ONECUT1: variants seen among roughly 807,000 people sequenced by gnomAD.
The protein encoded by ONECUT1 is hepatocyte nuclear factor 6.
Under a neutral mutation model 25.6 loss-of-function variants are expected in ONECUT1, and 12 were observed. The observed-to-expected ratio is 0.47, with a 90% CI of 0.30 to 0.76. The LOEUF (loss-of-function observed/expected upper bound fraction) is 0.76. Among genes scored for constraint, ONECUT1 ranks in the 30% least tolerant of loss-of-function variants. ONECUT1 has a pLI of 0.07. For missense variants in ONECUT1, 620 were observed against 651.2 expected, an observed-to-expected ratio of 0.95 and a Z score of 0.52; for synonymous variants, 285 against 270.2, an observed-to-expected ratio of 1.05 and a Z score of -0.54.
chr15:52,776,701 C>A (rs975366395), intron 1 of ONECUT1, among the ~76,000 whole-genome samples: 1 of 152,198 alleles, frequency 6.6e-6, no homozygotes, highest in South Asian at 2.1e-4. Context: ...GAGACTTTGT[C>A]GGTATTTATT....
Position 52,789,636 on chromosome 15 carries a change from C to T in ONECUT1, c.249G>A (p.Leu83=). The change falls in exon 1 of 2, where the codon CTG becomes CTA. Residue 83 remains leucine (L), a synonymous_variant. Coordinates refer to ENST00000305901, the MANE Select transcript of ONECUT1 (RefSeq NM_004498.4). The surrounding 1 kb of genome is among the most constrained non-coding windows in gnomAD (Gnocchi z 4.1). ...RAPEHSLAGP[L]HPTMTMACET... ...CGCAGGCCATGGTCATGGTGGGATG[C>T]AGGGGGCCGGCCAGGCTGTGCTCAG... is the stretch of plus-strand genomic sequence containing the variant. 3 of 1,552,700 alleles carry T rather than the reference C, an allele frequency of 1.9e-6. No individual in the cohort carries two copies. Among genetic ancestry groups the T allele is most frequent in the South Asian group, 1.2e-5 (1 of 81,114 alleles).
At position 52,760,660 on chromosome 15, in the gene ONECUT1, A is replaced by G. The variant is rs112261685; in HGVS notation, c.1106-2813T>C. Among the ~76,000 whole-genome samples the G allele has an allele frequency of 2.6e-3, 391 of 152,236 alleles. 1 individual carries two copies. The highest frequency in any genetic ancestry group is 3.8e-3 in the Admixed American group (58 of 15,292). The stretch of plus-strand genomic sequence containing the variant: ...GCAGCATTGTGAAGGATTGATAAGT[A>G]TTAGTAGATTGGTATTTGTGAGGCA... On this transcript the variant is annotated intron_variant, in intron 1 of 1. Coordinates refer to ENST00000305901, the MANE Select transcript of ONECUT1 (RefSeq NM_004498.4).
rs1323163431 is a variant in ONECUT1, at chr15:52,763,362, C to T, written c.1106-5515G>A. Among the ~76,000 whole-genome samples the T allele has an allele frequency of 2.6e-5, 4 of 151,416 alleles. No individual in the cohort carries two copies. In the South Asian group the frequency reaches 6.3e-4, roughly 24 times the overall value. ...AGTCAGAGCATGACTTTGTGTGCCA[C>T]GGGAATAAAAGATTATGAAGAAAAA... On this transcript the variant is annotated intron_variant, in intron 1 of 1. Coordinates refer to ENST00000305901, the MANE Select transcript of ONECUT1 (RefSeq NM_004498.4).
At chr15:52,758,920 TC>T (rs959983997) in intron 1 of ONECUT1, among the ~76,000 whole-genome samples, 12 of 152,060 alleles carry the variant, frequency 7.9e-5, no homozygotes, top group Middle Eastern at 3.4e-3. Flanking sequence ...CATCAATCAA[TC>T]CTCACAACCA....
chr15:52,776,459 T>C (rs2083801468), intron 1 of ONECUT1, among the ~76,000 whole-genome samples: 1 of 152,210 alleles, frequency 6.6e-6, no homozygotes, highest in African/African-American at 2.4e-5. Flanking sequence ...CAATGACATA[T>C]AATCAGACCC....
Position 52,755,865 on chromosome 15 carries a change from A to G in ONECUT1, c.*1690T>C, listed in dbSNP as rs1463645715. 1.3e-5 allele frequency among the ~76,000 whole-genome samples: 2 copies of G among 151,170 alleles called. No homozygotes were observed. The highest frequency in any genetic ancestry group is 2.9e-5 in the Non-Finnish European group (2 of 68,002). On this transcript the variant is annotated 3_prime_UTR_variant, in exon 2 of 2. Transcript: ENST00000305901. The stretch of plus-strand genomic sequence containing the variant: ...TGGGAATCAAGTGATTCACTGGGGT[A>G]CCACTAATACGACTTCATTTTTTTT...
chr15:52,761,128 C>T lies in ONECUT1; in HGVS notation c.1106-3281G>A, dbSNP rs559567223. Among the ~76,000 whole-genome samples the T allele has an allele frequency of 5.9e-5, 9 of 152,180 alleles. No individual in the cohort carries two copies. The East Asian group carries it at 1.7e-3, about 29-fold the overall frequency. On this transcript the variant is annotated intron_variant, in intron 1 of 1. Transcript: ENST00000305901. ...GGAAATGTGTTGGTTTAAGGACCCT[C>T]ACCCCAATCCCTTGCATCAAGTGAG... is the stretch of plus-strand genomic sequence containing the variant.
chr15:52,789,744 G>A lies in ONECUT1; in HGVS notation c.141C>T (p.Pro47=), dbSNP rs763875233. Residue 47 remains proline (P), a synonymous_variant, in exon 1 of 2, where the codon CCC becomes CCT. Transcript: ENST00000305901. The surrounding 1 kb of genome is among the most constrained non-coding windows in gnomAD (Gnocchi z 4.1). ...SVAHRGSHLP[P]AHPRSMGMAS... ...CCATGCCCATGGAGCGCGGGTGCGCGGGGGGCAGGTGGCTGCCGCGGTGCG... is the reference window on the plus strand; with the variant it reads ...CCATGCCCATGGAGCGCGGGTGCGCAGGGGGCAGGTGGCTGCCGCGGTGCG... The A allele has an allele frequency of 9.4e-5, 133 of 1,410,834 alleles. No individual in the cohort carries two copies. Among genetic ancestry groups the A allele is most frequent in the Non-Finnish European group, 1.2e-4 (126 of 1,092,484 alleles). 87.4% of individuals were successfully genotyped at this position (1,410,834 alleles called of 1,614,324 possible).
rs1300140418 is a variant in ONECUT1, at chr15:52,784,429, G to A, written c.1105+4351C>T. On this transcript the variant is annotated intron_variant, in intron 1 of 1. Coordinates refer to ENST00000305901, the MANE Select transcript of ONECUT1 (RefSeq NM_004498.4). The surrounding 1 kb of genome is among the most constrained non-coding windows in gnomAD (Gnocchi z 5.0). Reference sequence around the variant, plus strand: ...CGCATACCTCCGAACAGGTAGTGGAGTTCGTCTCTGGCAGGCATCCTAGCT... The same window carrying A: ...CGCATACCTCCGAACAGGTAGTGGAATTCGTCTCTGGCAGGCATCCTAGCT... 1.3e-5 allele frequency among the ~76,000 whole-genome samples: 2 copies of A among 152,192 alleles called. No homozygotes were observed. Among genetic ancestry groups the A allele is most frequent in the Non-Finnish European group, 2.9e-5 (2 of 68,036 alleles).
rs755000599 is a variant in ONECUT1, at chr15:52,789,569, A to G, written c.316T>C (p.Leu106=). 3.8e-6 allele frequency: 6 copies of G among 1,583,264 alleles called. No individual in the cohort carries two copies. In the African/African-American group the frequency reaches 5.4e-5, roughly 14 times the overall value. ...GGAGGCAGCGGCTGCAGAGGGGTCA[A>G]GGTGGTGTAGGTGGTGGGCATGCTC... is the stretch of plus-strand genomic sequence containing the variant. The part of the protein sequence containing the change: ...GMSMPTTYTT[L]TPLQPLPPIS... Residue 106 remains leucine (L), a synonymous_variant, in exon 1 of 2, where the codon TTG becomes CTG. Coordinates refer to ENST00000305901, the MANE Select transcript of ONECUT1 (RefSeq NM_004498.4). The surrounding 1 kb of genome is among the most constrained non-coding windows in gnomAD (Gnocchi z 4.1).
At chr15:52,778,311 T>A (rs1224781939) in intron 1 of ONECUT1, among the ~76,000 whole-genome samples, 1 of 152,238 alleles carries the variant, frequency 6.6e-6, no homozygotes, top group African/African-American at 2.4e-5. Context: ...TTATATATCA[T>A]GATTTATTTA....
rs61735385 is a variant in ONECUT1 at position 52,789,603 on chromosome 15, G to C, written c.282C>G (p.Pro94=). 152,684 of 1,568,246 alleles carry C rather than the reference G, an allele frequency of 0.097. 8,385 individuals carry two copies. Among genetic ancestry groups the C allele is most frequent in the South Asian group, 0.13 (10,527 of 83,196 alleles). The change falls in exon 1 of 2, where the codon CCC becomes CCG. Residue 94 remains proline, a synonymous_variant. Transcript: ENST00000305901. The surrounding 1 kb of genome is among the most constrained non-coding windows in gnomAD (Gnocchi z 4.1). ...AGGTGGTGGGCATGCTCATACCTGG[G>C]GGAGTCTCGCAGGCCATGGTCATGG... is the stretch of plus-strand genomic sequence containing the variant. The part of the protein sequence containing the change: ...HPTMTMACET[P]PGMSMPTTYT...
intron 1 of ONECUT1, among the ~76,000 whole-genome samples, chr15:52,782,377 T>A (rs150185833): frequency 6.6e-6 from 1 of 152,196 alleles, no homozygotes; most frequent in Non-Finnish European, 1.5e-5. Context: ...GAAATTAAAC[T>A]TCGTTAGTAT....
At chr15:52,773,622 A>T (rs1281269005) in intron 1 of ONECUT1, among the ~76,000 whole-genome samples, 5 of 152,200 alleles carry the variant, frequency 3.3e-5, no homozygotes, top group African/African-American at 9.7e-5. Context: ...AGGATAAACC[A>T]GGGCTCATCA....
intron 1 of ONECUT1, among the ~76,000 whole-genome samples, chr15:52,771,859 G>T (rs943745599): frequency 6.6e-6 from 1 of 152,154 alleles, no homozygotes; most frequent in Admixed American, 6.5e-5. Flanking sequence ...AAGCTCAAGA[G>T]AATTACTCCA....
In ONECUT1 at chr15:52,784,857, C is replaced by T. The variant is rs1214660702; in HGVS notation, c.1105+3923G>A. ...GTCTCCGTAGGAGGCCATCCTAGGC[C>T]TTCGGAGGAGGCGCTCCCAGCTGGC... On this transcript the variant is annotated intron_variant, in intron 1 of 1. Transcript: ENST00000305901. The surrounding 1 kb of genome is among the most constrained non-coding windows in gnomAD (Gnocchi z 5.0). Among the ~76,000 whole-genome samples the T allele has an allele frequency of 6.6e-6, 1 of 152,256 alleles. No individual in the cohort carries two copies.
At chr15:52,761,109 G>A (rs987281384) in intron 1 of ONECUT1, among the ~76,000 whole-genome samples, 16 of 152,110 alleles carry the variant, frequency 1.1e-4, no homozygotes, top group Non-Finnish European at 2.2e-4. Flanking sequence ...GAGTGGAAAT[G>A]TGTTGGTTTA....
At chr15:52,767,058 G>A (rs1208100643) in intron 1 of ONECUT1, among the ~76,000 whole-genome samples, 2 of 152,120 alleles carry the variant, frequency 1.3e-5, no homozygotes, top group Non-Finnish European at 2.9e-5. Context: ...CAATAAGGGC[G>A]TGAGGGAGAC....
intron 1 of ONECUT1, among the ~76,000 whole-genome samples, chr15:52,764,226 A>G (rs2083721591): frequency 6.6e-6 from 1 of 152,218 alleles, no homozygotes; most frequent in African/African-American, 2.4e-5. Context: ...TGAACTTATG[A>G]TACAGCTTCT....
Sources: gnomAD v4.1 joint callset for allele counts (sites outside exome capture counted in the v4.1 genomes callset) on GRCh38, gnomAD v4.1.1 for gene constraint, Gnocchi (gnomAD v3.1) non-coding constraint, MANE v1.5 for transcripts, NCBI Gene and HGNC (gene_info 2026-07-23, HGNC 2026-07-21) for gene names.